Variants in SOX6 observed in about 807,000 individuals in gnomAD.
SOX6 encodes SRY-box transcription factor 6.
SOX6 carries 11 observed loss-of-function variants against 97.8 expected under a neutral mutation model. The ratio of observed to expected loss-of-function variants is 0.11; its 90% CI spans 0.07 to 0.19. The LOEUF (loss-of-function observed/expected upper bound fraction) is 0.19. SOX6 is among the 10% of genes least tolerant of loss of function. SOX6 has a pLI of 1.00. For synonymous variants in SOX6, 360 were observed against 371.4 expected, an observed-to-expected ratio of 0.97 and a Z score of 0.35; for missense variants, 810 against 1,039.5, an observed-to-expected ratio of 0.78 and a Z score of 3.04.
At chr11:16,634,837 C>T (rs186238833) in intron 3 of SOX6, among the ~76,000 whole-genome samples, 1 of 152,232 alleles carries the variant, frequency 6.6e-6, no homozygotes, top group Admixed American at 6.5e-5. Context: ...GAGGGGTAAT[C>T]GAATCACGGG....
At chr11:16,404,931 C>T (rs894570323) in intron 1 of SOX6, among the ~76,000 whole-genome samples, 1 of 152,028 alleles carries the variant, frequency 6.6e-6, no homozygotes, top group Non-Finnish European at 1.5e-5. Flanking sequence ...CTTCTTTCTC[C>T]AATCACAGCT....
intron 3 of SOX6, among the ~76,000 whole-genome samples, chr11:16,641,285 A>C (rs1330098634): frequency 2.0e-5 from 3 of 152,048 alleles, no homozygotes; most frequent in Non-Finnish European, 4.4e-5. Context: ...AGTTTGTTTT[A>C]ATTTCTGTTC....
intron 9 of SOX6, among the ~76,000 whole-genome samples, chr11:16,082,325 C>T (rs1848490149): frequency 6.6e-6 from 1 of 152,134 alleles, no homozygotes; most frequent in Non-Finnish European, 1.5e-5. Context: ...GGCAGAGATC[C>T]TGACCTCTGC....
At chr11:16,735,120 GAATTTA>G (rs1848382113) in intron 2 of SOX6, among the ~76,000 whole-genome samples, 4 of 152,100 alleles carry the variant, frequency 2.6e-5, no homozygotes, top group Admixed American at 2.6e-4. Context: ...TGCATAAAAT[GAATTTA>G]AATGGAGAAG....
At chr11:16,403,613 T>C (rs1031868476) in intron 1 of SOX6, among the ~76,000 whole-genome samples, 1 of 151,620 alleles carries the variant, frequency 6.6e-6, no homozygotes, top group Non-Finnish European at 1.5e-5. Context: ...TACAGTAACA[T>C]AAGATAAGAG....
intron 6 of SOX6, among the ~76,000 whole-genome samples, chr11:16,171,725 T>C (rs982091402): frequency 6.6e-6 from 1 of 151,850 alleles, no homozygotes; most frequent in Non-Finnish European, 1.5e-5. Context: ...AATAAAACAT[T>C]ATATGGTTCT....
At chr11:16,155,518 C>G (rs1018095645) in intron 6 of SOX6, among the ~76,000 whole-genome samples, 1 of 151,990 alleles carries the variant, frequency 6.6e-6, no homozygotes, top group Admixed American at 6.6e-5. Flanking sequence ...TATTGTGATG[C>G]CTTGGGCAAG....
chr11:16,164,796 G>A (rs944063163), intron 6 of SOX6, among the ~76,000 whole-genome samples: 9 of 148,830 alleles, frequency 6.0e-5, no homozygotes, highest in Admixed American at 4.0e-4. Context: ...ACTCCAGCCT[G>A]AGCAACAGAG....
At chr11:15,978,040 T>G (rs1214134372) in intron 15 of SOX6, among the ~76,000 whole-genome samples, 1 of 152,090 alleles carries the variant, frequency 6.6e-6, no homozygotes, top group African/African-American at 2.4e-5. Flanking sequence ...CCTCTGCTTG[T>G]GCACTGAAAC....
intron 6 of SOX6, among the ~76,000 whole-genome samples, chr11:16,130,131 A>C (rs1055656499): frequency 2.0e-5 from 3 of 152,050 alleles, no homozygotes; most frequent in Admixed American, 2.0e-4. Flanking sequence ...AACAAAAATA[A>C]ATTGGCTTTC....
chr11:16,151,659 C>A lies in SOX6; in HGVS notation c.777+32227G>T, dbSNP rs191708978. 5.9e-5 allele frequency among the ~76,000 whole-genome samples: 9 copies of A among 152,228 alleles called. No homozygotes were observed. The East Asian group carries it at 1.7e-3, about 29-fold the overall frequency. On this transcript the variant is annotated intron_variant, in intron 6 of 15. Coordinates refer to ENST00000683767, the MANE Select transcript of SOX6 (RefSeq NM_001367873.1). ...ATCCTCATAAAATCAGATATGGAAT[C>A]TCTTACATCTGCAAAAACACAAACA... is the stretch of plus-strand genomic sequence containing the variant.
chr11:16,284,484 C>G (rs1287944085), intron 3 of SOX6, among the ~76,000 whole-genome samples: 1 of 152,062 alleles, frequency 6.6e-6, no homozygotes, highest in Admixed American at 6.6e-5. Context: ...ATTCATGCTT[C>G]TATTATATAG....
chr11:16,702,328 A>T (rs1406752585), intron 3 of SOX6, among the ~76,000 whole-genome samples: 1 of 152,222 alleles, frequency 6.6e-6, no homozygotes, highest in African/African-American at 2.4e-5. Context: ...GATTGGATTC[A>T]GGTATCTTAT....
chr11:16,517,559 G>A (rs1159953556), intron 4 of SOX6, among the ~76,000 whole-genome samples: 1 of 152,110 alleles, frequency 6.6e-6, no homozygotes, highest in Admixed American at 6.6e-5. Flanking sequence ...ATTCTCATAT[G>A]AGCTTAGGAA....
At chr11:16,258,670 A>C (rs1012931617) in intron 3 of SOX6, among the ~76,000 whole-genome samples, 1 of 151,928 alleles carries the variant, frequency 6.6e-6, no homozygotes, top group African/African-American at 2.4e-5. Flanking sequence ...CAAAACCTAT[A>C]GAATGTACAC....
chr11:16,278,185 T>C (rs1854453321), intron 3 of SOX6, among the ~76,000 whole-genome samples: 1 of 152,176 alleles, frequency 6.6e-6, no homozygotes, highest in Admixed American at 6.5e-5. Flanking sequence ...TTAGCCTAGC[T>C]TACTTCCAAA....
intron 12 of SOX6, among the ~76,000 whole-genome samples, chr11:16,017,322 G>A (rs1854917201): frequency 6.6e-6 from 1 of 151,940 alleles, no homozygotes; most frequent in African/African-American, 2.4e-5. Flanking sequence ...TATTTTGACA[G>A]AGTAGAAGTC....
intron 1 of SOX6, among the ~76,000 whole-genome samples, chr11:16,367,843 A>G (rs746576902): frequency 2.6e-5 from 4 of 152,204 alleles, no homozygotes; most frequent in African/African-American, 9.6e-5. Context: ...CATGTACATT[A>G]TAAAAGTAAC....
At chr11:16,042,425 C>T (rs1021252872) in intron 12 of SOX6, among the ~76,000 whole-genome samples, 1 of 152,162 alleles carries the variant, frequency 6.6e-6, no homozygotes, top group Non-Finnish European at 1.5e-5. Flanking sequence ...GAGCTAAATG[C>T]TTTTCTGCTT....
Sources: allele counts gnomAD v4.1 joint callset (sites outside exome capture counted in the v4.1 genomes callset), GRCh38; gene constraint gnomAD v4.1.1; transcripts MANE v1.5; gene names NCBI Gene and HGNC (gene_info 2026-07-23, HGNC 2026-07-21).